The following BCO1 variants were observed in gnomAD, a reference collection of about 807,000 sequenced individuals.
The protein encoded by BCO1 is beta,beta-carotene 15,15'-dioxygenase.
In BCO1, 54 loss-of-function variants were observed where a neutral mutation model predicts 56.3. That is an observed-to-expected ratio of 0.96 (90% CI 0.77 to 1.20). BCO1 has a LOEUF of 1.20. BCO1 is among the 50% of genes most tolerant of loss of function. BCO1 has a pLI of 0.00. For synonymous variants in BCO1, 318 were observed against 266.1 expected (o/e 1.20, Z -1.90); for missense variants, 801 against 690.9 (o/e 1.16, Z -1.79).
intron 7 of BCO1, among the ~76,000 whole-genome samples, chr16:81,277,060 G>A (rs4889297): frequency 0.98 from 136,151 of 139,088 alleles, 66,713 homozygotes; most frequent in South Asian, 1. Flanking sequence ...AGTGAGACTC[G>A]GTCTCAAAAA....
chr16:81,250,471 T>C (rs1404649338), intron 2 of BCO1, among the ~76,000 whole-genome samples: 2 of 152,020 alleles, frequency 1.3e-5, no homozygotes, highest in East Asian at 3.9e-4. Context: ...AGTTCCACTC[T>C]AGCGGGTTCA....
At chr16:81,240,543 A>G (rs1255280802) in intron 1 of BCO1, among the ~76,000 whole-genome samples, 4 of 151,946 alleles carry the variant, frequency 2.6e-5, no homozygotes, top group Admixed American at 2.6e-4. Context: ...CCTCTCTACT[A>G]AAAATACACA....
At chr16:81,281,916 C>A (rs961149931) in intron 8 of BCO1, among the ~76,000 whole-genome samples, 4 of 152,226 alleles carry the variant, frequency 2.6e-5, no homozygotes. Flanking sequence ...AACTTCTGCC[C>A]CAGAATATAA....
intron 5 of BCO1, among the ~76,000 whole-genome samples, chr16:81,266,923 G>A (rs948275698): frequency 6.6e-6 from 1 of 152,236 alleles, no homozygotes; most frequent in Non-Finnish European, 1.5e-5. Context: ...CCACCAGCCA[G>A]CTGTTTACAG....
At position 81,242,474 on chromosome 16, in the gene BCO1, A is replaced by G. The variant is rs569764384; in HGVS notation, c.65-3001A>G. 1.4e-4 allele frequency among the ~76,000 whole-genome samples: 21 copies of G among 152,124 alleles called. No individual in the cohort carries two copies. The South Asian group carries it at 4.2e-3, about 30-fold the overall frequency. ...CCTTGGCCTCCCCTAGTGCTAGGAT[A>G]ACAGGCCTGAGCCACCGCGCTGGCC... On this transcript the variant is annotated intron_variant, in intron 1 of 10. Coordinates refer to ENST00000258168, the MANE Select transcript of BCO1 (RefSeq NM_017429.3).
At chr16:81,278,008 C>T (rs897728911) in intron 7 of BCO1, among the ~76,000 whole-genome samples, 2 of 152,092 alleles carry the variant, frequency 1.3e-5, no homozygotes, top group African/African-American at 2.4e-5. Context: ...CTTGCAGAGC[C>T]ATGGAGGTGG....
intron 8 of BCO1, among the ~76,000 whole-genome samples, chr16:81,284,608 C>T (rs892837385): frequency 2.6e-5 from 4 of 151,914 alleles, no homozygotes; most frequent in African/African-American, 7.3e-5. Flanking sequence ...ATTAACTGTT[C>T]TCCATTGACA....
At position 81,247,028 on chromosome 16, in the gene BCO1, C is replaced by G. The variant is rs76122912; in HGVS notation, c.193+1425C>G. Among the ~76,000 whole-genome samples, 744 of 152,236 alleles carry G rather than the reference C, an allele frequency of 4.9e-3. 5 individuals carry two copies. The highest frequency in any genetic ancestry group is 0.017 in the African/African-American group (721 of 41,544). On this transcript the variant is annotated intron_variant, in intron 2 of 10. Transcript: ENST00000258168. ...TAAGGCGAATTCTGAGTTCAGGTGT[C>G]TGGCTCATGAGGTGGGATGTAAATT...
intron 1 of BCO1, among the ~76,000 whole-genome samples, chr16:81,243,063 G>A (rs1290218283): frequency 6.6e-6 from 1 of 152,094 alleles, no homozygotes; most frequent in Non-Finnish European, 1.5e-5. Flanking sequence ...AAAGAAGATG[G>A]GTGCCTGCCA....
At position 81,264,712 on chromosome 16, in the gene BCO1, C is replaced by G; in HGVS notation, c.544C>G (p.Leu182Val). 1 of 1,614,128 alleles carries G rather than the reference C, an allele frequency of 6.2e-7. No homozygotes were observed. Among genetic ancestry groups the G allele is most frequent in the Non-Finnish European group, 8.5e-7 (1 of 1,180,006 alleles). Reference protein sequence around the residue: ...HPHYDEAGNVLNMGTSIVEKG... With the variant: ...HPHYDEAGNVVNMGTSIVEKG... The stretch of plus-strand genomic sequence containing the variant: ...CCATTATGATGAGGCTGGAAATGTT[C>G]TAAACATGGGCACATCCATTGTGGA... The change falls in exon 5 of 11, where the codon CTA becomes GTA. Residue 182 changes from leucine to valine, a missense_variant. Coordinates refer to ENST00000258168, the MANE Select transcript of BCO1 (RefSeq NM_017429.3).
At chr16:81,271,408 C>A (rs533120757) in intron 7 of BCO1, among the ~76,000 whole-genome samples, 1 of 152,314 alleles carries the variant, frequency 6.6e-6, no homozygotes, top group South Asian at 2.1e-4. Context: ...AGCCACCATG[C>A]CTGGCCTAAT....
chr16:81,251,684 C>A (rs1242626276), intron 2 of BCO1, among the ~76,000 whole-genome samples: 1 of 151,946 alleles, frequency 6.6e-6, no homozygotes, highest in South Asian at 2.1e-4. Flanking sequence ...AAAATTATTT[C>A]AAAGCAAAAA....
intron 2 of BCO1, among the ~76,000 whole-genome samples, chr16:81,245,846 T>G: frequency 7.8e-6 from 1 of 127,524 alleles, no homozygotes; most frequent in African/African-American, 3.0e-5. Context: ...GCTCCATCTC[T>G]GTCTTTTTTT....
At chr16:81,268,189 G>A in intron 6 of BCO1, 58 bp downstream of exon 6, 1 of 1,496,892 alleles carries the variant, frequency 6.7e-7, no homozygotes, top group Non-Finnish European at 9.2e-7. Context: ...AGGGAGGCTG[G>A]TGTGCAGGAG....
intron 2 of BCO1, among the ~76,000 whole-genome samples, chr16:81,258,746 C>G (rs946463259): frequency 1.3e-5 from 2 of 152,320 alleles, no homozygotes; most frequent in South Asian, 4.1e-4. Flanking sequence ...TTTGCATTAT[C>G]ACATTTTGCA....
chr16:81,290,630 A>G lies in BCO1; in HGVS notation c.*53A>G, dbSNP rs901737712. ...GAGCTCGGCTGTCAGAACTCCATGG[A>G]TATGTTTCTTTGGATGGAGGGGAGG... On this transcript the variant is annotated 3_prime_UTR_variant, in exon 11 of 11. Transcript: ENST00000258168. 2 of 1,440,478 alleles carry G rather than the reference A, an allele frequency of 1.4e-6. No individual in the cohort carries two copies. Among genetic ancestry groups the G allele is most frequent in the African/African-American group, 2.8e-5 (2 of 71,356 alleles). The allele number at this position is 1,440,478 out of a possible 1,614,324, so 89.2% of individuals were successfully genotyped here. A position where few individuals can be genotyped will look rare whatever the true frequency, so the allele number is the denominator to read the frequency against.
At chr16:81,268,912 CA>C (rs1272339865) in intron 6 of BCO1, among the ~76,000 whole-genome samples, 1 of 151,762 alleles carries the variant, frequency 6.6e-6, no homozygotes, top group African/African-American at 2.4e-5. Context: ...ACCAGAGGCA[CA>C]TGTCTCTATG....
intron 5 of BCO1, among the ~76,000 whole-genome samples, chr16:81,265,445 C>T (rs1383379392): frequency 2.0e-5 from 3 of 151,386 alleles, no homozygotes; most frequent in Non-Finnish European, 4.4e-5. Context: ...ATTCATCCAT[C>T]CACCCACCAC....
Position 81,270,163 on chromosome 16 carries a change from A to G in BCO1, c.848A>G (p.Tyr283Cys), listed in dbSNP as rs1465380813. Residue 283 changes from tyrosine (Y) to cysteine (C), a missense_variant, in exon 7 of 11, where the codon TAT becomes TGT. Coordinates refer to ENST00000258168, the MANE Select transcript of BCO1 (RefSeq NM_017429.3). ...TTGATATGTGTCCTTTTTCAGACTTATATCCACATCATCGACCAAAGGACC... is the reference window on the plus strand; with the variant it reads ...TTGATATGTGTCCTTTTTCAGACTTGTATCCACATCATCGACCAAAGGACC... ...CLAFHREEKT[Y>C]IHIIDQRTRQ... 3 of 1,614,142 alleles carry G rather than the reference A, an allele frequency of 1.9e-6. No homozygotes were observed. Among genetic ancestry groups the G allele is most frequent in the South Asian group, 1.1e-5 (1 of 91,076 alleles).
Sources: gnomAD v4.1 joint callset for allele counts (sites outside exome capture counted in the v4.1 genomes callset) on GRCh38, gnomAD v4.1.1 for gene constraint, MANE v1.5 for transcripts, NCBI Gene and HGNC (gene_info 2026-07-23, HGNC 2026-07-21) for gene names.